Variants in RCAN2 observed in about 807,000 individuals in gnomAD.
RCAN2 encodes calcipressin-2.
A neutral mutation model predicts 23.6 loss-of-function variants in RCAN2; 9 were observed. That is an observed-to-expected ratio of 0.38 (90% confidence interval 0.23 to 0.67). The LOEUF (loss-of-function observed/expected upper bound fraction) is 0.67, where lower values mean the gene tolerates loss of function less well. Ranked by LOEUF, RCAN2 falls within the 30% of genes least tolerant of loss-of-function variation. RCAN2 has a pLI of 0.51. For missense variants in RCAN2, 273 were observed against 302.3 expected, an observed-to-expected ratio of 0.90 and a Z score of 0.72; for synonymous variants, 109 against 115.7, an observed-to-expected ratio of 0.94 and a Z score of 0.37.
At chr6:46,371,192 T>TC (rs1223452794) in intron 2 of RCAN2, among the ~76,000 whole-genome samples, 1 of 151,920 alleles carries the variant, frequency 6.6e-6, no homozygotes, top group African/African-American at 2.4e-5. Flanking sequence ...GACCAGCCTT[T>TC]CCCCCCAGAT....
At chr6:46,399,646 G>C (rs1766193916) in intron 2 of RCAN2, among the ~76,000 whole-genome samples, 1 of 151,748 alleles carries the variant, frequency 6.6e-6, no homozygotes. Context: ...GCTCCTTCCT[G>C]CTGGTGGCTG....
chr6:46,324,394 T>C (rs1189558716), intron 2 of RCAN2, among the ~76,000 whole-genome samples: 1 of 152,200 alleles, frequency 6.6e-6, no homozygotes, highest in East Asian at 1.9e-4. Context: ...AATCCCCACC[T>C]GTAAAGCACC....
chr6:46,449,083 A>G (rs1313887968), intron 2 of RCAN2, among the ~76,000 whole-genome samples: 1 of 151,902 alleles, frequency 6.6e-6, no homozygotes, highest in Non-Finnish European at 1.5e-5. Flanking sequence ...AAAACCCTCA[A>G]CACTCCATCA....
chr6:46,231,038 A>C (rs1765867136), intron 4 of RCAN2, among the ~76,000 whole-genome samples: 1 of 152,224 alleles, frequency 6.6e-6, no homozygotes, highest in Non-Finnish European at 1.5e-5. Flanking sequence ...GGTTGAATTG[A>C]GTCCCCTCAA....
intron 2 of RCAN2, among the ~76,000 whole-genome samples, chr6:46,357,837 A>G (rs534121203): frequency 4.3e-4 from 65 of 152,282 alleles, no homozygotes; most frequent in African/African-American, 1.4e-3. Flanking sequence ...CAATATAAAG[A>G]AGCAGCTAGG....
intron 4 of RCAN2, among the ~76,000 whole-genome samples, chr6:46,235,726 T>C (rs1183231215): frequency 1.3e-5 from 2 of 152,138 alleles, no homozygotes; most frequent in Non-Finnish European, 2.9e-5. Flanking sequence ...CAAGCACTAT[T>C]GAACATTGCT....
chr6:46,470,876 GC>G (rs1273558586), intron 1 of RCAN2, among the ~76,000 whole-genome samples: 5 of 152,124 alleles, frequency 3.3e-5, no homozygotes, highest in Non-Finnish European at 5.9e-5. Context: ...ATTGTGCATG[GC>G]TCAGTCTTTA....
At chr6:46,264,879 T>G (rs1053925213) in intron 2 of RCAN2, among the ~76,000 whole-genome samples, 1 of 152,186 alleles carries the variant, frequency 6.6e-6, no homozygotes, top group Non-Finnish European at 1.5e-5. Flanking sequence ...ATATGCTAAT[T>G]TATCTCATTC....
intron 1 of RCAN2, among the ~76,000 whole-genome samples, chr6:46,464,581 A>G (rs1768319237): frequency 6.6e-6 from 1 of 152,182 alleles, no homozygotes; most frequent in African/African-American, 2.4e-5. Context: ...CAAAGGAGAG[A>G]CATGATATTC....
intron 2 of RCAN2, among the ~76,000 whole-genome samples, chr6:46,454,649 A>G (rs1055421280): frequency 2.0e-5 from 3 of 152,214 alleles, no homozygotes; most frequent in African/African-American, 7.2e-5. Context: ...ATGGTGATCT[A>G]AATCATTTGA....
At chr6:46,372,193 A>G (rs1765341473) in intron 2 of RCAN2, among the ~76,000 whole-genome samples, 1 of 152,242 alleles carries the variant, frequency 6.6e-6, no homozygotes, top group African/African-American at 2.4e-5. Flanking sequence ...GCTGATGACT[A>G]GTACATGACA....
chr6:46,377,798 G>C (rs563314922), intron 2 of RCAN2, among the ~76,000 whole-genome samples: 33 of 152,264 alleles, frequency 2.2e-4, no homozygotes, highest in African/African-American at 7.9e-4. Context: ...CTAATTCAGA[G>C]CATGAAATTT....
intron 1 of RCAN2, among the ~76,000 whole-genome samples, chr6:46,473,330 C>CATGCAG (rs1768620922): frequency 1.3e-5 from 2 of 152,110 alleles, no homozygotes; most frequent in Non-Finnish European, 2.9e-5. Flanking sequence ...AATGGCATCA[C>CATGCAG]ACACATACAG....
chr6:46,223,299 C>G lies in RCAN2; in HGVS notation c.574G>C (p.Glu192Gln), dbSNP rs988680841. 1.9e-6 allele frequency: 3 copies of G among 1,612,018 alleles called. No homozygotes were observed. Among genetic ancestry groups the G allele is most frequent in the Non-Finnish European group, 2.5e-6 (3 of 1,179,118 alleles). ...LYAVAKLGPGEKYELHAGTES... is the reference protein window; with the variant it reads ...LYAVAKLGPGQKYELHAGTES... ...GTCCCTGCATGGAGCTCATACTTCT[C>G]TCCTGAAAAGCAAGAAAAATGGAAG... The change falls in exon 5 of 5, where the codon GAG becomes CAG. Residue 192 changes from glutamate (E) to glutamine (Q), a missense_variant and splice_region_variant. Coordinates refer to ENST00000371374, the MANE Select transcript of RCAN2 (RefSeq NM_001251974.2).
chr6:46,478,550 C>T (rs758328019), intron 1 of RCAN2, among the ~76,000 whole-genome samples: 7 of 152,172 alleles, frequency 4.6e-5, no homozygotes, highest in Non-Finnish European at 8.8e-5. Flanking sequence ...TCATAAGTCC[C>T]ATCACATGTC....
chr6:46,457,608 A>G (rs1768078514), intron 1 of RCAN2, among the ~76,000 whole-genome samples: 1 of 152,198 alleles, frequency 6.6e-6, no homozygotes, highest in Admixed American at 6.5e-5. Context: ...CCTGATCATG[A>G]TAACTCTAAC....
intron 2 of RCAN2, among the ~76,000 whole-genome samples, chr6:46,373,945 A>C (rs983178183): frequency 2.0e-5 from 3 of 152,208 alleles, no homozygotes; most frequent in African/African-American, 4.8e-5. Context: ...AGATGTCATC[A>C]CAACATCCCT....
intron 2 of RCAN2, among the ~76,000 whole-genome samples, chr6:46,377,087 C>T (rs1582153580): frequency 2.0e-5 from 3 of 152,084 alleles, no homozygotes; most frequent in African/African-American, 4.8e-5. Flanking sequence ...CTTCTGGAGC[C>T]CTAACTTGAA....
At chr6:46,241,966 T>C (rs1355215837) in intron 4 of RCAN2, among the ~76,000 whole-genome samples, 1 of 152,214 alleles carries the variant, frequency 6.6e-6, no homozygotes, top group African/African-American at 2.4e-5. Context: ...ACTCTCTGGA[T>C]CAAAGATAGA....
Sources: allele counts gnomAD v4.1 joint callset (sites outside exome capture counted in the v4.1 genomes callset), GRCh38; gene constraint gnomAD v4.1.1; transcripts MANE v1.5; gene names NCBI Gene and HGNC (gene_info 2026-07-23, HGNC 2026-07-21).